Variants in RABGAP1 observed in about 807,000 individuals in gnomAD.
RABGAP1 encodes rab GTPase-activating protein 1.
A neutral mutation model predicts 137.6 loss-of-function variants in RABGAP1; 23 were observed. That is an observed-to-expected ratio of 0.17 (90% confidence interval 0.12 to 0.24). RABGAP1 has a LOEUF of 0.24. Ranked by LOEUF, RABGAP1 falls within the 10% of genes least tolerant of loss-of-function variation. The pLI, the probability that RABGAP1 is intolerant of heterozygous loss-of-function variation, is 1.00. For missense variants in RABGAP1, 906 were observed against 1,275.8 expected (o/e 0.71, Z 4.42); for synonymous variants, 451 against 450.7 (o/e 1.00, Z -0.01).
At chr9:122,956,144 TC>T (rs1834503867) in intron 1 of RABGAP1, among the ~76,000 whole-genome samples, 1 of 152,204 alleles carries the variant, frequency 6.6e-6, no homozygotes, top group South Asian at 2.1e-4. Context: ...TGAGCTGAGT[TC>T]TAAGAAACTG....
chr9:122,961,541 C>G (rs1834852120), intron 2 of RABGAP1, among the ~76,000 whole-genome samples: 1 of 152,196 alleles, frequency 6.6e-6, no homozygotes, highest in African/African-American at 2.4e-5. Context: ...GTTCTTCAGG[C>G]TGAAAGCAAG....
At chr9:123,066,278 C>T (rs2034168637) in intron 14 of RABGAP1, among the ~76,000 whole-genome samples, 1 of 152,180 alleles carries the variant, frequency 6.6e-6, no homozygotes, top group African/African-American at 2.4e-5. Flanking sequence ...TTCATTTTAA[C>T]TTTTACATAG....
At position 123,020,446 on chromosome 9, in the gene RABGAP1, T is replaced by C. The variant is rs1300298361; in HGVS notation, c.1781T>C (p.Ile594Thr). The change falls in exon 13 of 26, where the codon ATT (isoleucine) becomes ACT (threonine). Residue 594 changes from isoleucine to threonine, a missense_variant. Transcript: ENST00000373647. ...NNDHLVEKYR[I>T]LITKESPQDS... is the part of the protein sequence containing the mutation. ...GACCACCTGGTAGAGAAATACCGCA[T>C]TCTTATCACAAAGGTAAGGGGGTGA... The C allele has an allele frequency of 3.1e-6, 5 of 1,596,054 alleles. No individual in the cohort carries two copies. Among genetic ancestry groups the C allele is most frequent in the Non-Finnish European group, 4.3e-6 (5 of 1,170,682 alleles).
intron 2 of RABGAP1, among the ~76,000 whole-genome samples, chr9:122,963,536 GA>G (rs1374534432): frequency 2.0e-5 from 3 of 148,894 alleles, no homozygotes; most frequent in East Asian, 1.9e-4. Context: ...AAAAGTCGAA[GA>G]AAAAAAAAGG....
At chr9:123,009,289 G>A (rs1456170559) in intron 10 of RABGAP1, among the ~76,000 whole-genome samples, 1 of 152,204 alleles carries the variant, frequency 6.6e-6, no homozygotes, top group Non-Finnish European at 1.5e-5. Context: ...GCTTCAAGAT[G>A]ATATTGAAAG....
chr9:123,028,384 T>C (rs904389071), intron 13 of RABGAP1, among the ~76,000 whole-genome samples: 3 of 152,234 alleles, frequency 2.0e-5, no homozygotes, highest in African/African-American at 7.2e-5. Context: ...CAGTTAACTA[T>C]AAACAATCAT....
chr9:122,990,799 ATATATATATAT>A (rs1836676744), intron 6 of RABGAP1: 10 of 41,798 alleles, frequency 2.4e-4, no homozygotes, highest in East Asian at 1.2e-3. Context: ...AAAAAAAAAT[ATATATATATAT>A]ATATATATAT....
chr9:123,035,709 C>A, intron 13 of RABGAP1: 1 of 811,600 alleles, frequency 1.2e-6, no homozygotes, highest in Non-Finnish European at 1.9e-6. Flanking sequence ...ATTCCTAATT[C>A]ACTAGGAAAT....
chr9:123,098,485 C>T (rs1037954133), intron 22 of RABGAP1, among the ~76,000 whole-genome samples: 1 of 152,206 alleles, frequency 6.6e-6, no homozygotes, highest in Non-Finnish European at 1.5e-5. Context: ...GCAGAAGCCT[C>T]AATCTGAAAT....
intron 13 of RABGAP1, among the ~76,000 whole-genome samples, chr9:123,064,817 C>G (rs1447227498): frequency 6.6e-6 from 1 of 152,196 alleles, no homozygotes; most frequent in Non-Finnish European, 1.5e-5. Context: ...GTTTGAATCC[C>G]TTGGCATTTG....
chr9:122,968,845 C>T (rs1376839600), intron 2 of RABGAP1, among the ~76,000 whole-genome samples: 1 of 152,106 alleles, frequency 6.6e-6, no homozygotes, highest in East Asian at 1.9e-4. Flanking sequence ...GAACTCCTGA[C>T]CTCAGATGAT....
chr9:123,099,638 C>A, intron 24 of RABGAP1, 89 bp downstream of exon 24: 1 of 1,141,236 alleles, frequency 8.8e-7, no homozygotes, highest in Non-Finnish European at 1.3e-6. Context: ...CAGTTGATTT[C>A]AAAAGTGAGA....
chr9:122,936,252 TTA>T (rs1195341495), upstream of RABGAP1, among the ~76,000 whole-genome samples: 1 of 152,192 alleles, frequency 6.6e-6, no homozygotes, highest in Non-Finnish European at 1.5e-5. Context: ...CCACAATTCA[TTA>T]TGTTTGTCCT....
intron 3 of RABGAP1, among the ~76,000 whole-genome samples, chr9:122,985,479 G>T (rs1017760960): frequency 6.6e-6 from 1 of 152,120 alleles, no homozygotes; most frequent in Non-Finnish European, 1.5e-5. Context: ...AGGCGTGGTG[G>T]CACGCACCTG....
intron 22 of RABGAP1, 61 bp from the exon 23 acceptor site, chr9:123,098,654 G>A: frequency 6.8e-7 from 1 of 1,473,034 alleles, no homozygotes; most frequent in Non-Finnish European, 9.4e-7. Flanking sequence ...TAAGCGGTTG[G>A]TGGCAGAACT....
At chr9:122,993,562 A>G (rs1564386711) in intron 6 of RABGAP1, among the ~76,000 whole-genome samples, 2 of 151,784 alleles carry the variant, frequency 1.3e-5, no homozygotes, top group East Asian at 3.9e-4. Context: ...GTGAGCCACC[A>G]TGCCTGGCCA....
intron 2 of RABGAP1, among the ~76,000 whole-genome samples, chr9:122,967,618 A>G (rs1006179519): frequency 2.0e-5 from 3 of 152,200 alleles, no homozygotes; most frequent in African/African-American, 7.2e-5. Flanking sequence ...TAAACTTTCA[A>G]AGTAGTTTGA....
At chr9:122,941,457 A>G (rs1020745111) in intron 1 of RABGAP1, among the ~76,000 whole-genome samples, 71 of 152,102 alleles carry the variant, frequency 4.7e-4, no homozygotes, top group African/African-American at 1.6e-3. Context: ...GCTTGGTCCT[A>G]TTTGGGAATC....
intron 1 of RABGAP1, among the ~76,000 whole-genome samples, chr9:122,956,273 A>T (rs1834509847): frequency 6.6e-6 from 1 of 152,162 alleles, no homozygotes; most frequent in Non-Finnish European, 1.5e-5. Flanking sequence ...TTGGGTGTTA[A>T]TGTGAAATTT....
Sources: gnomAD v4.1 joint callset for allele counts (sites outside exome capture counted in the v4.1 genomes callset) on GRCh38, gnomAD v4.1.1 for gene constraint, MANE v1.5 for transcripts, NCBI Gene and HGNC (gene_info 2026-07-23, HGNC 2026-07-21) for gene names.